PKD1L1: variants seen among roughly 807,000 people sequenced by gnomAD.
PKD1L1 encodes the protein polycystin 1 like 1, transient receptor potential channel interacting.
A neutral mutation model predicts 323.4 loss-of-function variants in PKD1L1; 236 were observed. The ratio of observed to expected loss-of-function variants is 0.73; its 90% CI spans 0.66 to 0.81. The LOEUF is 0.81. Among genes scored for constraint, PKD1L1 ranks in the 40% least tolerant of loss-of-function variants. PKD1L1 has a pLI of 0.00. For synonymous variants in PKD1L1, 1,344 were observed against 1,335.0 expected, an observed-to-expected ratio of 1.01 and a Z score of -0.15; for missense variants, 3,320 against 3,508.0, an observed-to-expected ratio of 0.95 and a Z score of 1.35.
chr7:47,825,624 C>T (rs759831095), intron 45 of PKD1L1, among the ~76,000 whole-genome samples: 1 of 150,820 alleles, frequency 6.6e-6, no homozygotes, highest in Non-Finnish European at 1.5e-5. Context: ...TTTCTTTTTA[C>T]GTAGGAGTTA....
chr7:47,941,864 T>A (rs1583693214), intron 2 of PKD1L1, among the ~76,000 whole-genome samples: 1 of 152,118 alleles, frequency 6.6e-6, no homozygotes, highest in Non-Finnish European at 1.5e-5. Context: ...AAAAAGTACA[T>A]AAAATTGCAA....
At chr7:47,852,532 G>A (rs368829992) in intron 31 of PKD1L1, among the ~76,000 whole-genome samples, 11 of 152,164 alleles carry the variant, frequency 7.2e-5, no homozygotes, top group Admixed American at 1.3e-4. Context: ...AGTGTAAGGC[G>A]CGTGTCTGGT....
intron 56 of PKD1L1, among the ~76,000 whole-genome samples, chr7:47,786,099 A>C (rs1786801245): frequency 6.6e-6 from 1 of 152,200 alleles, no homozygotes; most frequent in South Asian, 2.1e-4. Flanking sequence ...ATTCAAACTT[A>C]GTGTTCAGAT....
intron 24 of PKD1L1, among the ~76,000 whole-genome samples, chr7:47,867,394 C>T (rs1380678737): frequency 6.6e-6 from 1 of 152,164 alleles, no homozygotes. Context: ...ATATACTTTA[C>T]AGAATTCGTC....
intron 37 of PKD1L1, among the ~76,000 whole-genome samples, chr7:47,835,669 G>T (rs1219049568): frequency 6.6e-6 from 1 of 152,108 alleles, no homozygotes; most frequent in African/African-American, 2.4e-5. Flanking sequence ...GCAAAGTGCT[G>T]GGATTACAGG....
intron 8 of PKD1L1, among the ~76,000 whole-genome samples, chr7:47,914,521 G>A (rs1787388048): frequency 6.6e-6 from 1 of 152,206 alleles, no homozygotes; most frequent in Non-Finnish European, 1.5e-5. Context: ...AGACACAAAG[G>A]AAGAGGCTTG....
intron 27 of PKD1L1, 100 bp from the exon 28 acceptor site, chr7:47,857,932 A>C (rs187409097): frequency 8.7e-7 from 1 of 1,152,150 alleles, no homozygotes; most frequent in East Asian, 2.5e-5. Flanking sequence ...TAAAAAGCCC[A>C]TCTCAAGTTA....
At chr7:47,857,461 G>C (rs1785929462) in intron 28 of PKD1L1, 144 bp downstream of exon 28, 1 of 661,534 alleles carries the variant, frequency 1.5e-6, no homozygotes, top group African/African-American at 1.8e-5. Flanking sequence ...TGTTCTAAGT[G>C]ATCCCTCTTG....
intron 44 of PKD1L1, 32 bp downstream of exon 44, chr7:47,829,393 T>G (rs1785297018): frequency 6.5e-7 from 1 of 1,549,800 alleles, no homozygotes; most frequent in East Asian, 2.3e-5. Flanking sequence ...TTTTTAAATC[T>G]CAATTTGCAC....
intron 52 of PKD1L1, among the ~76,000 whole-genome samples, chr7:47,804,718 C>G (rs1218144008): frequency 6.6e-6 from 1 of 152,146 alleles, no homozygotes; most frequent in Non-Finnish European, 1.5e-5. Flanking sequence ...CTTCTGAACT[C>G]AGGCAATCTG....
chr7:47,777,481 C>A (rs1786596483), intron 56 of PKD1L1, among the ~76,000 whole-genome samples: 1 of 152,136 alleles, frequency 6.6e-6, no homozygotes, highest in Non-Finnish European at 1.5e-5. Context: ...TGGCATCTGC[C>A]CTACCTCTCA....
chr7:47,783,192 A>C (rs1168064060), intron 56 of PKD1L1, among the ~76,000 whole-genome samples: 2 of 151,858 alleles, frequency 1.3e-5, no homozygotes, highest in African/African-American at 4.8e-5. Flanking sequence ...TTAAAATAGC[A>C]AAAAAAATCA....
At chr7:47,916,646 C>G (rs1255711200) in intron 7 of PKD1L1, among the ~76,000 whole-genome samples, 2 of 152,170 alleles carry the variant, frequency 1.3e-5, no homozygotes, top group African/African-American at 4.8e-5. Flanking sequence ...TGGTTCACAT[C>G]ACAGTACTCT....
At chr7:47,779,961 G>T (rs1786652895) in intron 56 of PKD1L1, among the ~76,000 whole-genome samples, 1 of 152,072 alleles carries the variant, frequency 6.6e-6, no homozygotes, top group South Asian at 2.1e-4. Flanking sequence ...ATTTGCACTG[G>T]TTTTTAAGTT....
chr7:47,880,582 CTA>C, intron 21 of PKD1L1, 144 bp downstream of exon 21: 1 of 357,648 alleles, frequency 2.8e-6, no homozygotes, highest in Non-Finnish European at 5.0e-6. Flanking sequence ...GTGCCCAGCC[CTA>C]TATATATGTA....
chr7:47,866,412 G>T lies in PKD1L1; in HGVS notation c.4092+7C>A. 6.2e-7 allele frequency: 1 copy of T among 1,612,342 alleles called. No individual in the cohort carries two copies. Among genetic ancestry groups the T allele is most frequent in the East Asian group, 2.2e-5 (1 of 44,802 alleles). ...AGACACTAAACTCACCCTCCTCTGA[G>T]CCATACCTGATCTACAAAAGCCAAT... On this transcript the variant is annotated splice_region_variant and intron_variant, in intron 25 of 56. Coordinates refer to ENST00000289672, the MANE Select transcript of PKD1L1 (RefSeq NM_138295.5).
intron 42 of PKD1L1, among the ~76,000 whole-genome samples, 169 bp downstream of exon 42, chr7:47,831,048 T>C (rs1432752411): frequency 2.6e-5 from 4 of 152,174 alleles, no homozygotes; most frequent in Non-Finnish European, 5.9e-5. Context: ...GGGATCTGCA[T>C]AGGATTTTAT....
At chr7:47,957,863 AT>A in the PKD1L1 span, among the ~76,000 whole-genome samples, 3,851 of 133,784 alleles carry the variant, frequency 0.029, 207 homozygotes, top group African/African-American at 0.092. Flanking sequence ...TTAAAAAAAA[AT>A]ATATATATAT....
intron 42 of PKD1L1, among the ~76,000 whole-genome samples, chr7:47,830,527 C>T (rs950051453): frequency 3.3e-5 from 5 of 152,194 alleles, no homozygotes; most frequent in African/African-American, 1.2e-4. Flanking sequence ...ATTTCAGCTG[C>T]TCCTCCCCAA....
Sources: allele counts gnomAD v4.1 joint callset (sites outside exome capture counted in the v4.1 genomes callset), GRCh38; gene constraint gnomAD v4.1.1; transcripts MANE v1.5; gene names NCBI Gene and HGNC (gene_info 2026-07-23, HGNC 2026-07-21).